Variants in OPN5 observed in about 807,000 individuals in gnomAD.
OPN5 encodes opsin 5.
OPN5 carries 18 observed loss-of-function variants against 41.7 expected under a neutral mutation model. The ratio of observed to expected loss-of-function variants is 0.43; its 90% CI spans 0.30 to 0.64. OPN5 has a LOEUF of 0.64. Among genes scored for constraint, OPN5 ranks in the 30% least tolerant of loss-of-function variants. The probability of loss-of-function intolerance (pLI) is 0.13; values close to 1 mark genes in which losing one functional copy is unlikely to be tolerated. For missense variants in OPN5, 318 were observed against 434.5 expected, an observed-to-expected ratio of 0.73 and a Z score of 2.38; for synonymous variants, 178 against 164.3, an observed-to-expected ratio of 1.08 and a Z score of -0.64.
intron 6 of OPN5, among the ~76,000 whole-genome samples, chr6:47,818,639 AGAT>A (rs777790749): frequency 6.0e-4 from 92 of 152,180 alleles, no homozygotes; most frequent in Non-Finnish European, 1.1e-3. Flanking sequence ...CACTCCACAG[AGAT>A]GATATCTCTT....
At chr6:47,823,186 C>G (rs1762687082) in intron 6 of OPN5, among the ~76,000 whole-genome samples, 1 of 152,164 alleles carries the variant, frequency 6.6e-6, no homozygotes, top group Non-Finnish European at 1.5e-5. Flanking sequence ...GGAGCTTATA[C>G]TTAAACAGAA....
chr6:47,813,277 A>G (rs964507716), intron 6 of OPN5, among the ~76,000 whole-genome samples: 1 of 152,210 alleles, frequency 6.6e-6, no homozygotes, highest in Non-Finnish European at 1.5e-5. Context: ...ACACAGCTGT[A>G]AAGCACAGTC....
chr6:47,817,105 C>T (rs1273245605), intron 6 of OPN5, among the ~76,000 whole-genome samples: 1 of 152,022 alleles, frequency 6.6e-6, no homozygotes, highest in Non-Finnish European at 1.5e-5. Flanking sequence ...CATATTTGCC[C>T]TTTTGAGCCA....
chr6:47,820,235 C>T (rs991865603), intron 6 of OPN5, among the ~76,000 whole-genome samples: 5 of 152,054 alleles, frequency 3.3e-5, no homozygotes, highest in Non-Finnish European at 7.4e-5. Flanking sequence ...CTGAAGTCTG[C>T]TCTACTTTTT....
chr6:47,818,972 G>T (rs1204887550), intron 6 of OPN5, among the ~76,000 whole-genome samples: 2 of 152,060 alleles, frequency 1.3e-5, no homozygotes, highest in Non-Finnish European at 2.9e-5. Context: ...AGCAGCTGCT[G>T]CTGGTCCAAG....
chr6:47,793,199 AG>A (rs1022407878), intron 3 of OPN5, among the ~76,000 whole-genome samples: 6 of 152,196 alleles, frequency 3.9e-5, no homozygotes, highest in Admixed American at 6.5e-5. Flanking sequence ...AAGGCAAAAA[AG>A]TTAAACTTCC....
At chr6:47,820,110 CTA>C (rs1762571205) in intron 6 of OPN5, among the ~76,000 whole-genome samples, 1 of 148,196 alleles carries the variant, frequency 6.7e-6, no homozygotes, top group African/African-American at 2.5e-5. Context: ...TACATATTGT[CTA>C]TAGCTGCTTC....
intron 4 of OPN5, among the ~76,000 whole-genome samples, chr6:47,801,333 T>C (rs1189991538): frequency 3.3e-5 from 5 of 152,254 alleles, no homozygotes; most frequent in Admixed American, 3.3e-4. Flanking sequence ...CTAGGGCCTC[T>C]GTTTCTTTTA....
chr6:47,783,076 A>T (rs1773122428), intron 1 of OPN5, among the ~76,000 whole-genome samples: 1 of 151,856 alleles, frequency 6.6e-6, no homozygotes, highest in Admixed American at 6.6e-5. Context: ...TACTTTGTAA[A>T]TTTTTACTTT....
intron 4 of OPN5, among the ~76,000 whole-genome samples, chr6:47,798,678 A>G (rs1773658419): frequency 1.3e-5 from 2 of 152,018 alleles, no homozygotes; most frequent in South Asian, 4.1e-4. Flanking sequence ...ATATTTGTGC[A>G]GAAAATGTAA....
chr6:47,803,139 A>T (rs578159362), intron 4 of OPN5, among the ~76,000 whole-genome samples: 1 of 152,196 alleles, frequency 6.6e-6, no homozygotes, highest in Non-Finnish European at 1.5e-5. Flanking sequence ...AGAAATTCCA[A>T]CTAGACACAC....
chr6:47,782,618 A>T (rs896824158), intron 1 of OPN5, among the ~76,000 whole-genome samples: 2 of 152,198 alleles, frequency 1.3e-5, no homozygotes, highest in African/African-American at 4.8e-5. Flanking sequence ...TGTTCTCACA[A>T]CTGTGCAAAA....
chr6:47,817,353 T>C lies in OPN5; in HGVS notation c.1056+5622T>C, dbSNP rs150952785. The stretch of plus-strand genomic sequence containing the variant: ...AAACAGAAATTCTCATTGAGGTTCA[T>C]GCCAGTTACAGAAATTTTCAGTTAT... On this transcript the variant is annotated intron_variant, in intron 6 of 6. Coordinates refer to ENST00000371211, the Ensembl canonical transcript of OPN5. 1.6e-3 allele frequency among the ~76,000 whole-genome samples: 246 copies of C among 152,284 alleles called. 1 individual carries two copies. The highest frequency in any genetic ancestry group is 5.5e-3 in the African/African-American group (230 of 41,572).
At chr6:47,798,349 G>A (rs1277311606) in intron 4 of OPN5, among the ~76,000 whole-genome samples, 1 of 151,552 alleles carries the variant, frequency 6.6e-6, no homozygotes, top group Non-Finnish European at 1.5e-5. Context: ...ATGAGTCAAT[G>A]CTTTTGAAGG....
At chr6:47,806,501 C>T (rs894841892) in intron 4 of OPN5, among the ~76,000 whole-genome samples, 1 of 152,134 alleles carries the variant, frequency 6.6e-6, no homozygotes, top group Non-Finnish European at 1.5e-5. Context: ...TCACACAAAA[C>T]ATGTGGAAGA....
chr6:47,802,455 C>T (rs189356359), intron 4 of OPN5, among the ~76,000 whole-genome samples: 1 of 152,252 alleles, frequency 6.6e-6, no homozygotes, highest in East Asian at 1.9e-4. Flanking sequence ...TCACCTAAAG[C>T]AAACCATTTA....
At chr6:47,822,331 C>CATTGAATG (rs1762652848) in intron 6 of OPN5, among the ~76,000 whole-genome samples, 1 of 151,982 alleles carries the variant, frequency 6.6e-6, no homozygotes, top group Admixed American at 6.5e-5. Flanking sequence ...GTTTGTTATT[C>CATTGAATG]ATTGAATGTG....
At chr6:47,792,899 C>T (rs1184138164) in intron 3 of OPN5, among the ~76,000 whole-genome samples, 1 of 147,112 alleles carries the variant, frequency 6.8e-6, no homozygotes, top group African/African-American at 2.5e-5. Context: ...TTATAGTTTA[C>T]ATCCCCAAAC....
chr6:47,820,258 C>T (rs1271687588), intron 6 of OPN5, among the ~76,000 whole-genome samples: 1 of 152,042 alleles, frequency 6.6e-6, no homozygotes, highest in Non-Finnish European at 1.5e-5. Context: ...CTTGTTTTAA[C>T]AGCCTTAGGG....
Sources: gnomAD v4.1 joint callset for allele counts (sites outside exome capture counted in the v4.1 genomes callset) on GRCh38, gnomAD v4.1.1 for gene constraint, MANE v1.5 for transcripts, NCBI Gene and HGNC (gene_info 2026-07-23, HGNC 2026-07-21) for gene names.